Variants in MINDY4 observed in about 807,000 individuals in gnomAD.
MINDY4 encodes MINDY lysine 48 deubiquitinase 4.
A neutral mutation model predicts 87.0 loss-of-function variants in MINDY4; 68 were observed. The observed-to-expected ratio is 0.78, with a 90% CI of 0.64 to 0.96. The LOEUF is 0.96. MINDY4 is among the 40% of genes least tolerant of loss of function. The pLI is 0.00. For missense variants in MINDY4, 919 were observed against 928.2 expected (o/e 0.99, Z 0.13); for synonymous variants, 379 against 363.2 (o/e 1.04, Z -0.50).
intron 6 of MINDY4, among the ~76,000 whole-genome samples, chr7:30,835,500 G>C (rs1788830667): frequency 6.6e-6 from 1 of 152,196 alleles, no homozygotes. Flanking sequence ...CTAAGTTCAG[G>C]TTCATATTTA....
chr7:30,820,400 G>A (rs910338995), intron 5 of MINDY4, among the ~76,000 whole-genome samples: 3 of 151,818 alleles, frequency 2.0e-5, no homozygotes, highest in Admixed American at 6.6e-5. Flanking sequence ...CCATTTGAAA[G>A]TGAACAATTC....
chr7:30,822,026 T>C (rs767376175), intron 5 of MINDY4, among the ~76,000 whole-genome samples: 2 of 152,200 alleles, frequency 1.3e-5, no homozygotes, highest in Non-Finnish European at 2.9e-5. Flanking sequence ...ATCGTATTTA[T>C]ATATACACGT....
At chr7:30,876,832 A>G (rs781748670) in intron 15 of MINDY4, among the ~76,000 whole-genome samples, 2 of 152,136 alleles carry the variant, frequency 1.3e-5, no homozygotes, top group Non-Finnish European at 2.9e-5. Flanking sequence ...CAGAACCAGG[A>G]CGCAGAGATT....
intron 4 of MINDY4, among the ~76,000 whole-genome samples, 177 bp from the exon 5 acceptor site, chr7:30,790,988 G>A (rs991279008): frequency 3.9e-5 from 6 of 152,206 alleles, no homozygotes; most frequent in Admixed American, 6.5e-5. Flanking sequence ...AAGCCCAGAG[G>A]TGGGAGCATT....
At chr7:30,778,621 C>T in intron 2 of MINDY4, 70 bp downstream of exon 2, 1 of 1,576,494 alleles carries the variant, frequency 6.3e-7, no homozygotes, top group South Asian at 1.1e-5. Flanking sequence ...ACTCATGGGC[C>T]CTGCCAGTGA....
intron 14 of MINDY4, among the ~76,000 whole-genome samples, chr7:30,872,947 C>G (rs1160150143): frequency 1.3e-5 from 2 of 152,246 alleles, no homozygotes; most frequent in Non-Finnish European, 2.9e-5. Context: ...CCCAGAGTGG[C>G]CACACAGGCC....
chr7:30,802,772 C>G (rs1311633886), intron 5 of MINDY4, among the ~76,000 whole-genome samples: 1 of 152,142 alleles, frequency 6.6e-6, no homozygotes, highest in Non-Finnish European at 1.5e-5. Context: ...GCCTGATCAC[C>G]CAACCATATA....
chr7:30,793,283 G>A (rs922404495), intron 5 of MINDY4, among the ~76,000 whole-genome samples: 7 of 151,164 alleles, frequency 4.6e-5, no homozygotes, highest in Admixed American at 4.0e-4. Context: ...AAATCCAGTC[G>A]ATAATTTTTT....
chr7:30,820,223 C>A (rs1031027356), intron 5 of MINDY4, among the ~76,000 whole-genome samples: 122 of 152,262 alleles, frequency 8.0e-4, no homozygotes, highest in Non-Finnish European at 1.4e-3. Context: ...AAGTAAAATT[C>A]AATCTGTGTC....
intron 2 of MINDY4, 65 bp from the exon 3 acceptor site, chr7:30,781,912 G>T: frequency 8.9e-7 from 1 of 1,129,224 alleles, no homozygotes; most frequent in Non-Finnish European, 1.3e-6. Flanking sequence ...TGGAATAGTT[G>T]TCTTTTCCAC....
chr7:30,790,392 CA>C (rs1787284129), intron 4 of MINDY4, among the ~76,000 whole-genome samples: 1 of 152,122 alleles, frequency 6.6e-6, no homozygotes, highest in Non-Finnish European at 1.5e-5. Flanking sequence ...AGCCTCACAG[CA>C]GTTAAGAATT....
chr7:30,786,031 G>T, intron 4 of MINDY4, 39 bp downstream of exon 4: 1 of 1,609,596 alleles, frequency 6.2e-7, no homozygotes, highest in Non-Finnish European at 8.5e-7. Flanking sequence ...GGGACTGGAG[G>T]CTGAGAACTG....
rs1382709757 is a variant in MINDY4 at position 30,791,707 on chromosome 7, G to A, written c.1073+133G>A. On this transcript the variant is annotated intron_variant, in intron 5 of 17. Coordinates refer to ENST00000265299, the MANE Select transcript of MINDY4 (RefSeq NM_032222.3). ...CTCAGAACAAGCCTGCGAAGTAACC[G>A]GCAAGGTAGAGTTTGTTATGGTCAA... 2.5e-5 allele frequency: 25 copies of A among 986,994 alleles called. No homozygotes were observed. The East Asian group carries it at 5.8e-4, about 23-fold the overall frequency. 61.1% of individuals were successfully genotyped at this position (986,994 alleles called of 1,614,324 possible).
At chr7:30,863,647 CATGGACAG>C (rs1278922637) in intron 13 of MINDY4, among the ~76,000 whole-genome samples, 1 of 152,118 alleles carries the variant, frequency 6.6e-6, no homozygotes, top group Admixed American at 6.5e-5. Flanking sequence ...GTGAGGACAT[CATGGACAG>C]ATGTAAACCT....
chr7:30,787,664 T>C (rs1437288218), intron 4 of MINDY4, among the ~76,000 whole-genome samples: 2 of 152,180 alleles, frequency 1.3e-5, no homozygotes, highest in Non-Finnish European at 2.9e-5. Context: ...GAGCCTTCCA[T>C]TAGTCAGAGC....
At chr7:30,799,178 C>T (rs902439757) in intron 5 of MINDY4, among the ~76,000 whole-genome samples, 1 of 152,118 alleles carries the variant, frequency 6.6e-6, no homozygotes, top group South Asian at 2.1e-4. Context: ...GTAGGATGGG[C>T]TGCTCTGTAA....
intron 17 of MINDY4, among the ~76,000 whole-genome samples, chr7:30,884,058 C>T (rs1306257831): frequency 6.6e-6 from 1 of 152,172 alleles, no homozygotes; most frequent in Non-Finnish European, 1.5e-5. Flanking sequence ...CAGAGAATCT[C>T]CATTTCTCTG....
At chr7:30,853,977 C>CA (rs1554283320) in intron 12 of MINDY4, among the ~76,000 whole-genome samples, 2 of 119,992 alleles carry the variant, frequency 1.7e-5, no homozygotes, top group African/African-American at 6.1e-5. Context: ...GGCTCTGGAG[C>CA]CCCCCCGCCT....
chr7:30,847,381 G>A (rs1789253786), intron 9 of MINDY4, among the ~76,000 whole-genome samples: 1 of 152,174 alleles, frequency 6.6e-6, no homozygotes, highest in Non-Finnish European at 1.5e-5. Context: ...GAGGGGACAG[G>A]CCCTGCCCAA....
Sources: allele counts gnomAD v4.1 joint callset (sites outside exome capture counted in the v4.1 genomes callset), GRCh38; gene constraint gnomAD v4.1.1; transcripts MANE v1.5; gene names NCBI Gene and HGNC (gene_info 2026-07-23, HGNC 2026-07-21).